Variants in MBD5 observed in about 807,000 individuals in gnomAD.
MBD5 encodes the protein methyl-CpG-binding domain protein 5.
A neutral mutation model predicts 117.3 loss-of-function variants in MBD5; 13 were observed. That is an observed-to-expected ratio of 0.11 (90% CI 0.07 to 0.18). MBD5 has a LOEUF of 0.18. Among genes scored for constraint, MBD5 ranks in the 10% least tolerant of loss-of-function variants. The pLI is 1.00. For missense variants in MBD5, 1,879 were observed against 2,093.8 expected (o/e 0.90, Z 2.00); for synonymous variants, 727 against 766.4 (o/e 0.95, Z 0.85).
chr2:148,176,780 G>A (rs1224667623), intron 1 of MBD5, among the ~76,000 whole-genome samples: 4 of 150,844 alleles, frequency 2.7e-5, no homozygotes, highest in Non-Finnish European at 2.9e-5. Flanking sequence ...AGAGAGAGAC[G>A]ATTCAAGACT....
chr2:148,021,027 G>T (rs561107364), upstream of MBD5: 4 of 152,042 alleles, frequency 2.6e-5, no homozygotes, highest in East Asian at 7.9e-4. Context: ...CCAGCCACCC[G>T]TCAGAGAGGG....
intron 1 of MBD5, among the ~76,000 whole-genome samples, chr2:148,090,564 G>A (rs762804697): frequency 2.5e-4 from 38 of 152,076 alleles, no homozygotes; most frequent in East Asian, 7.7e-4. Context: ...AATGTGATAC[G>A]TCACATAAGC....
intron 2 of MBD5, among the ~76,000 whole-genome samples, chr2:148,194,807 GAATA>G (rs1698932032): frequency 6.7e-6 from 1 of 149,558 alleles, no homozygotes; most frequent in Non-Finnish European, 1.5e-5. Context: ...AGAACAGATG[GAATA>G]AGTAGAAAAC....
chr2:148,027,870 T>C (rs1047486485), intron 1 of MBD5: 3 of 152,152 alleles, frequency 2.0e-5, no homozygotes, highest in Non-Finnish European at 2.9e-5. Context: ...TTGTTGCTTA[T>C]AAGAATAATC....
At position 148,251,476 on chromosome 2, in the gene MBD5, C is replaced by A. The variant is rs549933240; in HGVS notation, c.-680+18081C>A. ...ATTTTGTTTTACAATGAGAAAAAAG[C>A]ATTTGAAAGTATTTAATACCCATTT... On this transcript the variant is annotated intron_variant, in intron 3 of 13. Transcript: ENST00000642680. 1.6e-4 allele frequency among the ~76,000 whole-genome samples: 25 copies of A among 152,180 alleles called. 1 individual carries two copies. In the South Asian group the frequency reaches 5.0e-3, roughly 30 times the overall value.
chr2:148,189,424 GCCT>G (rs1698772796), intron 2 of MBD5, among the ~76,000 whole-genome samples: 1 of 149,268 alleles, frequency 6.7e-6, no homozygotes, highest in Non-Finnish European at 1.5e-5. Context: ...CGGGCAGACT[GCCT>G]CCTCAAGTGG....
chr2:148,507,112 A>G (rs1456519015), intron 12 of MBD5, among the ~76,000 whole-genome samples: 1 of 152,228 alleles, frequency 6.6e-6, no homozygotes, highest in Non-Finnish European at 1.5e-5. Context: ...TAAAGGTGAA[A>G]CATTATACTA....
chr2:148,470,491 A>C (rs1163532481), intron 8 of MBD5, 30 bp downstream of exon 8: 1 of 1,540,416 alleles, frequency 6.5e-7, no homozygotes, highest in Non-Finnish European at 8.8e-7. Flanking sequence ...AAGTACCCAA[A>C]GGTACTAAAC....
At chr2:148,243,064 C>T (rs1177570353) in intron 3 of MBD5, among the ~76,000 whole-genome samples, 1 of 151,730 alleles carries the variant, frequency 6.6e-6, no homozygotes. Flanking sequence ...CCATCAATCA[C>T]GTAAACTTAG....
chr2:148,321,802 G>A (rs1223453256), intron 3 of MBD5, among the ~76,000 whole-genome samples: 1 of 151,948 alleles, frequency 6.6e-6, no homozygotes, highest in Non-Finnish European at 1.5e-5. Flanking sequence ...TACCCAGGCT[G>A]GTCTTGAACT....
intron 1 of MBD5, among the ~76,000 whole-genome samples, chr2:148,072,452 C>T (rs1695384908): frequency 6.6e-6 from 1 of 152,086 alleles, no homozygotes. Flanking sequence ...AAAACAAATT[C>T]TCTATGTATA....
At chr2:148,170,177 G>T (rs1005865441) in intron 1 of MBD5, among the ~76,000 whole-genome samples, 4 of 152,164 alleles carry the variant, frequency 2.6e-5, no homozygotes, top group Non-Finnish European at 5.9e-5. Context: ...GATTACAGGC[G>T]TGAGCCACCG....
At position 148,516,573 on chromosome 2, in the gene MBD5, A is replaced by C. The variant is rs1682347688; in HGVS notation, c.*3632A>C. 2 of 152,260 alleles carry C rather than the reference A, an allele frequency of 1.3e-5. No individual in the cohort carries two copies. The highest frequency in any genetic ancestry group is 2.9e-5 in the Non-Finnish European group (2 of 68,044). 9.4% of individuals were successfully genotyped at this position (152,260 alleles called of 1,614,324 possible). On this transcript the variant is annotated 3_prime_UTR_variant, in exon 14 of 14. Transcript: ENST00000642680. Reference sequence around the variant, plus strand: ...TCACATTTGCATTAGCCAAAGAGATAAGAACATTAGTAATTCATATGTGTA... The same window carrying C: ...TCACATTTGCATTAGCCAAAGAGATCAGAACATTAGTAATTCATATGTGTA...
In MBD5 at chr2:148,051,918, A is replaced by G. The variant is rs1573956915; in HGVS notation, c.-925+30234A>G. Among the ~76,000 whole-genome samples the G allele has an allele frequency of 2.0e-5, 3 of 152,102 alleles. No individual in the cohort carries two copies. In the East Asian group the frequency reaches 5.8e-4, roughly 29 times the overall value. ...CTTCTGTTTTTTTAAAGAGCTTGAT[A>G]AGGACTGACATTAATTTTTCTTGAA... On this transcript the variant is annotated intron_variant, in intron 1 of 13. Coordinates refer to ENST00000642680, the MANE Select transcript of MBD5 (RefSeq NM_001378120.1).
intron 3 of MBD5, among the ~76,000 whole-genome samples, chr2:148,245,202 T>C (rs1700307829): frequency 6.6e-6 from 1 of 152,066 alleles, no homozygotes; most frequent in African/African-American, 2.4e-5. Flanking sequence ...CTGGGAAACA[T>C]AGTGAGACCC....
intron 10 of MBD5, among the ~76,000 whole-genome samples, chr2:148,486,556 C>A (rs1191405450): frequency 6.6e-6 from 1 of 151,988 alleles, no homozygotes; most frequent in Non-Finnish European, 1.5e-5. Context: ...AAGCTAAAGA[C>A]AAATGACAAC....
chr2:148,483,640 C>G lies in MBD5; in HGVS notation c.3049C>G (p.Gln1017Glu). 1 of 1,551,314 alleles carries G rather than the reference C, an allele frequency of 6.4e-7. No individual in the cohort carries two copies. The change falls in exon 9 of 14, where the codon CAA becomes GAA. Residue 1017 changes from glutamine to glutamate, a missense_variant. Gln to Glu is a conservative substitution (Grantham distance 29). Coordinates refer to ENST00000642680, the MANE Select transcript of MBD5 (RefSeq NM_001378120.1). ...CAATCTGACCATCTCAGATCTTTTG[C>G]AACAGCAAAATACCCCTTTACCCTC... ...SFNLTISDLL[Q>E]QQNTPLPSLT...
At chr2:148,172,579 G>T (rs1464776319) in intron 1 of MBD5, among the ~76,000 whole-genome samples, 1 of 152,166 alleles carries the variant, frequency 6.6e-6, no homozygotes, top group South Asian at 2.1e-4. Context: ...AGACAGACAG[G>T]CTCCTGGGTG....
At chr2:148,492,473 G>C (rs1159200373) in intron 11 of MBD5, among the ~76,000 whole-genome samples, 1 of 151,786 alleles carries the variant, frequency 6.6e-6, no homozygotes, top group Non-Finnish European at 1.5e-5. Context: ...CACATTTAGA[G>C]GTGAAAAACT....
Sources: allele counts gnomAD v4.1 joint callset (sites outside exome capture counted in the v4.1 genomes callset), GRCh38; gene constraint gnomAD v4.1.1; transcripts MANE v1.5; gene names NCBI Gene and HGNC (gene_info 2026-07-23, HGNC 2026-07-21).